Variants in PRR16 observed in about 807,000 individuals in gnomAD.
The protein encoded by PRR16 is proline rich 16.
Under a neutral mutation model 18.2 loss-of-function variants are expected in PRR16, and 6 were observed. The observed-to-expected ratio is 0.33, with a 90% CI of 0.18 to 0.65. The LOEUF (loss-of-function observed/expected upper bound fraction) is 0.65. Ranked by LOEUF, PRR16 falls within the 30% of genes least tolerant of loss-of-function variation. The probability of loss-of-function intolerance (pLI) is 0.74; values close to 1 mark genes in which losing one functional copy is unlikely to be tolerated. For missense variants in PRR16, 412 were observed against 376.6 expected (o/e 1.09, Z -0.78); for synonymous variants, 151 against 147.8 (o/e 1.02, Z -0.16).
At chr5:120,611,359 C>T (rs573825957) in intron 1 of PRR16, among the ~76,000 whole-genome samples, 1 of 152,150 alleles carries the variant, frequency 6.6e-6, no homozygotes, top group Admixed American at 6.5e-5. Flanking sequence ...TGTTAATCCC[C>T]AAGACCATGG....
the PRR16 span, among the ~76,000 whole-genome samples, chr5:120,751,068 C>T: frequency 1.3e-5 from 2 of 152,096 alleles, no homozygotes; most frequent in Admixed American, 1.3e-4. Flanking sequence ...CTTCTTTCAC[C>T]TGACATAATG....
chr5:120,536,147 ATAGT>A (rs1751709316), intron 1 of PRR16, among the ~76,000 whole-genome samples: 1 of 152,196 alleles, frequency 6.6e-6, no homozygotes, highest in Non-Finnish European at 1.5e-5. Flanking sequence ...GATAGTTGGC[ATAGT>A]TAGTTAGCAA....
the PRR16 span, among the ~76,000 whole-genome samples, chr5:120,714,166 A>T: frequency 6.6e-6 from 1 of 152,162 alleles, no homozygotes; most frequent in Non-Finnish European, 1.5e-5. Flanking sequence ...AATAGCCAAA[A>T]TGGCAAGTGT....
intron 1 of PRR16, among the ~76,000 whole-genome samples, chr5:120,645,258 CAT>C (rs1262749399): frequency 1.3e-5 from 2 of 151,734 alleles, no homozygotes; most frequent in East Asian, 3.9e-4. Flanking sequence ...TCACAGGAAA[CAT>C]ATTGTAATGG....
chr5:120,619,540 G>A (rs367593600), intron 1 of PRR16, among the ~76,000 whole-genome samples: 6 of 152,092 alleles, frequency 3.9e-5, no homozygotes, highest in East Asian at 3.9e-4. Context: ...TAGGTTAATC[G>A]ACTAGCAGTT....
chr5:120,663,850 T>C (rs1756261722), intron 1 of PRR16, among the ~76,000 whole-genome samples: 1 of 152,168 alleles, frequency 6.6e-6, no homozygotes, highest in Non-Finnish European at 1.5e-5. Flanking sequence ...CTCAGTGACA[T>C]GCAATGAGAC....
At chr5:120,600,134 T>C (rs1753936809) in intron 1 of PRR16, among the ~76,000 whole-genome samples, 1 of 151,886 alleles carries the variant, frequency 6.6e-6, no homozygotes, top group Non-Finnish European at 1.5e-5. Context: ...GCTCTTCGTT[T>C]CGTAGCCCAG....
chr5:120,710,881 G>C, the PRR16 span: 2 of 152,046 alleles, frequency 1.3e-5, no homozygotes, highest in Non-Finnish European at 2.9e-5. Flanking sequence ...GTCTAAAATG[G>C]GTTTCACTGG....
chr5:120,619,380 T>C (rs558696374), intron 1 of PRR16, among the ~76,000 whole-genome samples: 33 of 152,278 alleles, frequency 2.2e-4, no homozygotes, highest in African/African-American at 7.5e-4. Flanking sequence ...TAGTATGGAA[T>C]GTGCAATGTC....
rs1195055192 is a variant in PRR16, at chr5:120,675,443, C to A, written c.160-10511C>A. ...GTTAAATACAGTGATTCAACAATGC[C>A]CCACTCTAACTTTTGTATTACTTCT... On this transcript the variant is annotated intron_variant, in intron 1 of 1. Transcript: ENST00000407149. 5.3e-5 allele frequency among the ~76,000 whole-genome samples: 8 copies of A among 152,058 alleles called. 1 individual carries two copies. The highest frequency in any genetic ancestry group is 5.2e-4 in the Admixed American group (8 of 15,270).
the PRR16 span, among the ~76,000 whole-genome samples, chr5:120,736,169 G>A: frequency 1.3e-5 from 2 of 152,280 alleles, no homozygotes; most frequent in East Asian, 3.9e-4. Flanking sequence ...CTACTGCATT[G>A]GCATATATGC....
chr5:120,642,614 G>A (rs927393578), intron 1 of PRR16, among the ~76,000 whole-genome samples: 3 of 152,058 alleles, frequency 2.0e-5, no homozygotes, highest in Non-Finnish European at 4.4e-5. Flanking sequence ...AATTCATGCT[G>A]CAACCATAAA....
intron 1 of PRR16, among the ~76,000 whole-genome samples, chr5:120,541,576 T>C (rs914114442): frequency 6.6e-6 from 1 of 152,260 alleles, no homozygotes; most frequent in African/African-American, 2.4e-5. Flanking sequence ...CAAGAACTAA[T>C]GACAAGCAAT....
At chr5:120,500,674 A>G (rs1243258229) in intron 1 of PRR16, among the ~76,000 whole-genome samples, 1 of 152,220 alleles carries the variant, frequency 6.6e-6, no homozygotes, top group Non-Finnish European at 1.5e-5. Flanking sequence ...GATAATGGAA[A>G]CACCACATGG....
the PRR16 span, among the ~76,000 whole-genome samples, chr5:120,752,384 A>G: frequency 6.6e-6 from 1 of 152,012 alleles, no homozygotes; most frequent in African/African-American, 2.4e-5. Context: ...ACAATAACAG[A>G]GAAACCTGGC....
At chr5:120,630,753 A>G (rs942396724) in intron 1 of PRR16, among the ~76,000 whole-genome samples, 21 of 152,104 alleles carry the variant, frequency 1.4e-4, no homozygotes, top group Non-Finnish European at 2.6e-4. Flanking sequence ...TGTCAACCCC[A>G]AATTGTTTAG....
chr5:120,691,137 C>G (rs1334343136), downstream of PRR16, among the ~76,000 whole-genome samples: 2 of 152,258 alleles, frequency 1.3e-5, no homozygotes, highest in East Asian at 1.9e-4. Flanking sequence ...TTTCAATATT[C>G]TGCCAAAATT....
chr5:120,589,624 C>T (rs1387704690), intron 1 of PRR16, among the ~76,000 whole-genome samples: 1 of 152,032 alleles, frequency 6.6e-6, no homozygotes, highest in Non-Finnish European at 1.5e-5. Flanking sequence ...GTGAAAGGCA[C>T]TTCTTACATG....
rs1757151338 is a variant in PRR16, at chr5:120,687,105, T to C, written c.*396T>C. 6.4e-6 allele frequency: 1 copy of C among 155,300 alleles called. No homozygotes were observed. Among genetic ancestry groups the C allele is most frequent in the Non-Finnish European group, 1.4e-5 (1 of 69,962 alleles). 9.6% of individuals were successfully genotyped at this position (155,300 alleles called of 1,614,324 possible). A position where few individuals can be genotyped will look rare whatever the true frequency, so the allele number is the denominator to read the frequency against. On this transcript the variant is annotated 3_prime_UTR_variant, in exon 2 of 2. Transcript: ENST00000407149. Reference sequence around the variant, plus strand: ...TGATCTAATGCTTTTTACTAGGAAATTTTAATACTGAAGGACTATTTTATT... The same window carrying C: ...TGATCTAATGCTTTTTACTAGGAAACTTTAATACTGAAGGACTATTTTATT...
Sources: allele counts gnomAD v4.1 joint callset (sites outside exome capture counted in the v4.1 genomes callset), GRCh38; gene constraint gnomAD v4.1.1; transcripts MANE v1.5; gene names NCBI Gene and HGNC (gene_info 2026-07-23, HGNC 2026-07-21).